Variants in CACNG2 observed in about 807,000 individuals in gnomAD.
CACNG2 encodes voltage-dependent calcium channel gamma-2 subunit.
A neutral mutation model predicts 25.9 loss-of-function variants in CACNG2; 3 were observed. The ratio of observed to expected loss-of-function variants is 0.12; its 90% confidence interval spans 0.05 to 0.30. The LOEUF (loss-of-function observed/expected upper bound fraction) is 0.30. Ranked by LOEUF, CACNG2 falls within the 10% of genes least tolerant of loss-of-function variation. The probability of loss-of-function intolerance (pLI) is 1.00; values close to 1 mark genes in which losing one functional copy is unlikely to be tolerated. For missense variants in CACNG2, 341 were observed against 432.5 expected (o/e 0.79, Z 1.88); for synonymous variants, 167 against 173.3 (o/e 0.96, Z 0.29).
intron 1 of CACNG2, among the ~76,000 whole-genome samples, chr22:36,662,145 A>T (rs1009714023): frequency 1.3e-5 from 2 of 150,460 alleles, no homozygotes; most frequent in Non-Finnish European, 3.0e-5. Flanking sequence ...AACCTGGCCA[A>T]TTTTTTTTGT....
chr22:36,694,915 C>T (rs761925691), intron 1 of CACNG2, among the ~76,000 whole-genome samples: 1 of 152,164 alleles, frequency 6.6e-6, no homozygotes, highest in Non-Finnish European at 1.5e-5. Flanking sequence ...GCAAAAGCAG[C>T]ATGGCAAAGC....
rs34224180 is a variant in CACNG2 at position 36,579,404 on chromosome 22, CAAAAAAAAA to C, written c.295+8052_295+8060del. Among the ~76,000 whole-genome samples, 192 of 47,176 alleles carry C rather than the reference CAAAAAAAAA, an allele frequency of 4.1e-3. 4 individuals are homozygous for C. Among genetic ancestry groups the C allele is most frequent in the African/African-American group, 8.7e-3 (91 of 10,456 alleles). The allele number at this position is 47,176 out of a possible 152,430, so 30.9% of individuals were successfully genotyped here. A position where few individuals can be genotyped will look rare whatever the true frequency, so the allele number is the denominator to read the frequency against. On this transcript the variant is annotated intron_variant, in intron 2 of 3. Coordinates refer to ENST00000300105, the MANE Select transcript of CACNG2 (RefSeq NM_006078.5). ...GGGCAACAAAAGTGAAACTCTGTCT[CAAAAAAAAA>C]AAAAAAAAAAAAAAAAAGCTGCCGG...
chr22:36,610,242 A>G (rs990072714), intron 1 of CACNG2, among the ~76,000 whole-genome samples: 1 of 151,506 alleles, frequency 6.6e-6, no homozygotes, highest in African/African-American at 2.4e-5. Flanking sequence ...TCAGCTCCCC[A>G]GAGCGTGATT....
At chr22:36,608,884 G>C (rs1431539167) in intron 1 of CACNG2, among the ~76,000 whole-genome samples, 6 of 152,152 alleles carry the variant, frequency 3.9e-5, no homozygotes, top group Non-Finnish European at 8.8e-5. Flanking sequence ...CTCAGTACCT[G>C]CTAGCTATTG....
intron 2 of CACNG2, among the ~76,000 whole-genome samples, chr22:36,575,543 C>T (rs956550486): frequency 6.0e-5 from 9 of 151,242 alleles, no homozygotes; most frequent in Admixed American, 1.3e-4. Context: ...GGGGATGTGA[C>T]GACGGGGGGA....
At chr22:36,581,352 A>G (rs546027601) in intron 2 of CACNG2, among the ~76,000 whole-genome samples, 7 of 152,126 alleles carry the variant, frequency 4.6e-5, no homozygotes, top group Non-Finnish European at 8.8e-5. Context: ...AAGAGTGTCC[A>G]TTCATTAATT....
chr22:36,643,124 TTC>T (rs943308601), intron 1 of CACNG2, among the ~76,000 whole-genome samples: 5 of 151,234 alleles, frequency 3.3e-5, no homozygotes, highest in Non-Finnish European at 5.9e-5. Flanking sequence ...CCTTCTCTTT[TTC>T]TCTTTCTCTC....
intron 1 of CACNG2, among the ~76,000 whole-genome samples, chr22:36,677,357 G>A (rs1018952058): frequency 6.6e-6 from 1 of 152,160 alleles, no homozygotes; most frequent in Non-Finnish European, 1.5e-5. Context: ...GCATTGGTGT[G>A]TGTCCATCTC....
intron 1 of CACNG2, among the ~76,000 whole-genome samples, chr22:36,611,487 G>T (rs886810735): frequency 2.0e-5 from 3 of 152,214 alleles, no homozygotes; most frequent in Non-Finnish European, 2.9e-5. Context: ...GAAGCTCAAG[G>T]CTGCCAGGAA....
At chr22:36,615,264 T>C (rs1449115322) in intron 1 of CACNG2, among the ~76,000 whole-genome samples, 1 of 152,246 alleles carries the variant, frequency 6.6e-6, no homozygotes, top group Non-Finnish European at 1.5e-5. Flanking sequence ...ATCTCACAGA[T>C]AAGACTAGTG....
intron 1 of CACNG2, among the ~76,000 whole-genome samples, chr22:36,636,233 A>G (rs1461939969): frequency 4.6e-5 from 7 of 151,924 alleles, no homozygotes; most frequent in Admixed American, 6.6e-5. Flanking sequence ...CTTCTCCATA[A>G]TCCAGCCCCG....
intron 1 of CACNG2, among the ~76,000 whole-genome samples, chr22:36,678,604 TC>T (rs1444225891): frequency 7.0e-6 from 1 of 142,170 alleles, no homozygotes; most frequent in African/African-American, 2.6e-5. Context: ...CCTCCATCCT[TC>T]CCCCAGCACA....
At chr22:36,667,752 T>C (rs1419740241) in intron 1 of CACNG2, among the ~76,000 whole-genome samples, 1 of 152,044 alleles carries the variant, frequency 6.6e-6, no homozygotes, top group Non-Finnish European at 1.5e-5. Context: ...AAAGCAAGGG[T>C]TCGTGTTTCT....
intron 1 of CACNG2, among the ~76,000 whole-genome samples, chr22:36,609,894 C>T (rs1469676645): frequency 6.9e-6 from 1 of 144,018 alleles, no homozygotes; most frequent in Non-Finnish European, 1.5e-5. Flanking sequence ...GAGGAATCAG[C>T]CCCCAGAGCA....
At chr22:36,607,662 G>A (rs1193316161) in intron 1 of CACNG2, among the ~76,000 whole-genome samples, 1 of 140,452 alleles carries the variant, frequency 7.1e-6, no homozygotes. Context: ...CGTGCAACGA[G>A]GACCCACAGG....
intron 1 of CACNG2, among the ~76,000 whole-genome samples, chr22:36,690,652 T>C (rs149172159): frequency 6.6e-6 from 1 of 152,316 alleles, no homozygotes; most frequent in East Asian, 1.9e-4. Flanking sequence ...ACTTAGGCTA[T>C]ATTTCTTGTC....
intron 2 of CACNG2, among the ~76,000 whole-genome samples, chr22:36,582,402 C>CTTT (rs1304757528): frequency 7.3e-6 from 1 of 136,226 alleles, no homozygotes; most frequent in Non-Finnish European, 1.6e-5. Flanking sequence ...TTTGCTCTTT[C>CTTT]TTTCTTTCTT....
chr22:36,615,304 T>A (rs894531310), intron 1 of CACNG2, among the ~76,000 whole-genome samples: 1 of 152,290 alleles, frequency 6.6e-6, no homozygotes, highest in African/African-American at 2.4e-5. Context: ...TGCCCAGTGG[T>A]TGGATTTCCT....
chr22:36,590,472 G>A (rs1014176091), intron 1 of CACNG2, among the ~76,000 whole-genome samples: 1 of 152,072 alleles, frequency 6.6e-6, no homozygotes, highest in Non-Finnish European at 1.5e-5. Context: ...GAGCCTAGTT[G>A]TCAGCGCTGA....
Sources: allele counts gnomAD v4.1 joint callset (sites outside exome capture counted in the v4.1 genomes callset), GRCh38; gene constraint gnomAD v4.1.1; transcripts MANE v1.5; gene names NCBI Gene and HGNC (gene_info 2026-07-23, HGNC 2026-07-21).